The following SCNN1B variants were observed in gnomAD, a reference collection of about 807,000 sequenced individuals.
The protein encoded by SCNN1B is sodium channel epithelial 1 subunit beta.
SCNN1B carries 46 observed loss-of-function variants against 65.3 expected under a neutral mutation model. That is an observed-to-expected ratio of 0.70 (90% CI 0.56 to 0.90). The LOEUF (loss-of-function observed/expected upper bound fraction) is 0.90, where lower values mean the gene tolerates loss of function less well. Among genes scored for constraint, SCNN1B ranks in the 40% least tolerant of loss-of-function variants. SCNN1B has a pLI of 0.00. For missense variants in SCNN1B, 751 were observed against 830.5 expected, an observed-to-expected ratio of 0.90 and a Z score of 1.18; for synonymous variants, 349 against 330.6, an observed-to-expected ratio of 1.06 and a Z score of -0.60.
intron 5 of SCNN1B, among the ~76,000 whole-genome samples, chr16:23,368,927 G>T (rs998477258): frequency 2.0e-5 from 3 of 152,168 alleles, no homozygotes; most frequent in African/African-American, 4.8e-5. Flanking sequence ...TGAGGGACAA[G>T]AAATTAATGA....
chr16:23,279,789 A>G (rs1051926048), intron 1 of SCNN1B, among the ~76,000 whole-genome samples: 2 of 152,152 alleles, frequency 1.3e-5, no homozygotes, highest in Non-Finnish European at 2.9e-5. Context: ...GGCATGACTG[A>G]TCTGGAGCCA....
intron 1 of SCNN1B, among the ~76,000 whole-genome samples, chr16:23,310,058 A>T (rs1177512114): frequency 1.3e-5 from 2 of 152,074 alleles, no homozygotes; most frequent in African/African-American, 4.8e-5. Flanking sequence ...ACGCCCCTCC[A>T]CACATCCTCT....
chr16:23,319,242 G>C (rs562088220), intron 1 of SCNN1B, among the ~76,000 whole-genome samples: 6 of 152,024 alleles, frequency 3.9e-5, no homozygotes, highest in Non-Finnish European at 7.4e-5. Context: ...GGGTTTCACC[G>C]TGTTAGCCAG....
At chr16:23,300,547 ATTTT>A (rs1961060356), upstream of SCNN1B, among the ~76,000 whole-genome samples, 2 of 151,408 alleles carry the variant, frequency 1.3e-5, no homozygotes, top group Non-Finnish European at 2.9e-5. Flanking sequence ...TTTGAAAAAT[ATTTT>A]TCAGCCAGGC....
rs192834568 is a variant in SCNN1B, at chr16:23,373,336, C to T, written c.1152+1453C>T. 4.1e-4 allele frequency among the ~76,000 whole-genome samples: 62 copies of T among 152,242 alleles called. 1 individual carries two copies. In the East Asian group the frequency reaches 0.011, roughly 27 times the overall value. On this transcript the variant is annotated intron_variant, in intron 7 of 12. Transcript: ENST00000343070. ...AGAGACAGAGTCTTGCTATGTTGCC[C>T]AGGTTGGTCTTGAACTCCTGGGCTC...
chr16:23,368,147 C>T lies in SCNN1B; in HGVS notation c.880+188C>T, dbSNP rs910194071. Among the ~76,000 whole-genome samples, 6 of 152,146 alleles carry T rather than the reference C, an allele frequency of 3.9e-5. No homozygotes were observed. The South Asian group carries it at 1.0e-3, about 26-fold the overall frequency. ...GGCCAGGCGCTTCCTCAGCCATTCC[C>T]GCCCACAATGTTCAGAATCCGTGGG... On this transcript the variant is annotated intron_variant, in intron 5 of 12. Transcript: ENST00000343070.
intron 1 of SCNN1B, among the ~76,000 whole-genome samples, chr16:23,312,780 G>C (rs969908194): frequency 6.6e-6 from 1 of 152,048 alleles, no homozygotes; most frequent in Non-Finnish European, 1.5e-5. Context: ...CACCTCCCCC[G>C]ATCCCTTGGC....
At chr16:23,319,800 C>T (rs1210406869) in intron 1 of SCNN1B, among the ~76,000 whole-genome samples, 3 of 151,846 alleles carry the variant, frequency 2.0e-5, no homozygotes, top group African/African-American at 7.3e-5. Context: ...CAGGGTCTTG[C>T]TCTGTCGCCC....
intron 4 of SCNN1B, among the ~76,000 whole-genome samples, chr16:23,358,028 G>C: frequency 6.6e-6 from 1 of 152,238 alleles, no homozygotes. Flanking sequence ...AAGTGAACCT[G>C]CTGTCAACTC....
At chr16:23,311,002 A>C (rs1961329653) in intron 1 of SCNN1B, among the ~76,000 whole-genome samples, 1 of 152,220 alleles carries the variant, frequency 6.6e-6, no homozygotes, top group African/African-American at 2.4e-5. Flanking sequence ...CCAGGGAGTG[A>C]ATGGCCTAGG....
intron 4 of SCNN1B, among the ~76,000 whole-genome samples, chr16:23,362,341 A>T (rs948433337): frequency 3.3e-5 from 5 of 151,934 alleles, no homozygotes; most frequent in Non-Finnish European, 7.4e-5. Context: ...AAAAAAAAAA[A>T]AATAAAGTTA....
At chr16:23,336,972 CA>C (rs1285835529) in intron 1 of SCNN1B, among the ~76,000 whole-genome samples, 1 of 151,968 alleles carries the variant, frequency 6.6e-6, no homozygotes, top group Non-Finnish European at 1.5e-5. Context: ...ATTGAATTAG[CA>C]GGTAGTTAGA....
intron 1 of SCNN1B, among the ~76,000 whole-genome samples, chr16:23,325,263 T>TTTTTTC (rs1282977078): frequency 6.6e-5 from 10 of 152,300 alleles, no homozygotes; most frequent in African/African-American, 2.2e-4. Flanking sequence ...TGTATTTTTC[T>TTTTTTC]TTTTTCTTTT....
At chr16:23,292,694 C>T (rs905647137) in intron 2 of SCNN1B, among the ~76,000 whole-genome samples, 5 of 151,384 alleles carry the variant, frequency 3.3e-5, no homozygotes, top group South Asian at 2.1e-4. Flanking sequence ...TGTTGAGATG[C>T]ATTTTTGCCA....
At chr16:23,320,763 C>T (rs1042719739) in intron 1 of SCNN1B, among the ~76,000 whole-genome samples, 2 of 152,190 alleles carry the variant, frequency 1.3e-5, no homozygotes, top group Non-Finnish European at 2.9e-5. Context: ...GTGGGTAGGC[C>T]CTGGCCTTCA....
At chr16:23,360,955 C>T (rs1046446715) in intron 4 of SCNN1B, among the ~76,000 whole-genome samples, 11 of 152,048 alleles carry the variant, frequency 7.2e-5, no homozygotes, top group African/African-American at 1.9e-4. Flanking sequence ...CCACCACAAC[C>T]GGCTAATTTT....
chr16:23,365,618 A>AG (rs1567313760), intron 4 of SCNN1B, among the ~76,000 whole-genome samples: 6,884 of 63,638 alleles, frequency 0.11, 338 homozygotes, highest in Middle Eastern at 0.15. Flanking sequence ...AGAAAGAAAG[A>AG]AAAAAGAAAG....
intron 1 of SCNN1B, among the ~76,000 whole-genome samples, chr16:23,282,893 T>C (rs890560114): frequency 6.6e-6 from 1 of 152,226 alleles, no homozygotes; most frequent in African/African-American, 2.4e-5. Flanking sequence ...AGCCCTGCTC[T>C]GCAAGAAACA....
At chr16:23,315,763 C>T (rs1961440786) in intron 1 of SCNN1B, among the ~76,000 whole-genome samples, 1 of 152,190 alleles carries the variant, frequency 6.6e-6, no homozygotes, top group African/African-American at 2.4e-5. Context: ...GTGATCGTGC[C>T]ACCGCACTCC....
Sources: allele counts gnomAD v4.1 joint callset (sites outside exome capture counted in the v4.1 genomes callset), GRCh38; gene constraint gnomAD v4.1.1; transcripts MANE v1.5; gene names NCBI Gene and HGNC (gene_info 2026-07-23, HGNC 2026-07-21).